Variants in DNAJC6 observed in about 807,000 individuals in gnomAD.
The protein encoded by DNAJC6 is DnaJ heat shock protein family (Hsp40) member C6.
A neutral mutation model predicts 110.0 loss-of-function variants in DNAJC6; 34 were observed. That is an observed-to-expected ratio of 0.31 (90% CI 0.24 to 0.41). The LOEUF (loss-of-function observed/expected upper bound fraction) is 0.41, where lower values mean the gene tolerates loss of function less well. DNAJC6 is among the 10% of genes least tolerant of loss of function. The probability of loss-of-function intolerance (pLI) is 1.00; values close to 1 mark genes in which losing one functional copy is unlikely to be tolerated. For synonymous variants in DNAJC6, 406 were observed against 437.2 expected, an observed-to-expected ratio of 0.93 and a Z score of 0.89; for missense variants, 1,031 against 1,207.8, an observed-to-expected ratio of 0.85 and a Z score of 2.17.
rs780631693 is a variant in DNAJC6, at chr1:65,384,179, A to G, written c.667-14A>G. 1 of 1,464,058 alleles carries G rather than the reference A, an allele frequency of 6.8e-7. No homozygotes were observed. The highest frequency in any genetic ancestry group is 9.0e-7 in the Non-Finnish European group (1 of 1,106,146). The allele number at this position is 1,464,058 out of a possible 1,614,324, so 90.7% of individuals were successfully genotyped here. On this transcript the variant is annotated splice_polypyrimidine_tract_variant and intron_variant, in intron 5 of 18. Coordinates refer to ENST00000371069, the MANE Select transcript of DNAJC6 (RefSeq NM_001256864.2). ...GATCATGTTCATAATGATTTTATGC[A>G]TTTTCTTTGACAGGATGGACGGGCG...
At chr1:65,349,595 A>AT (rs569035527) in intron 1 of DNAJC6, among the ~76,000 whole-genome samples, 60 of 151,848 alleles carry the variant, frequency 4.0e-4, no homozygotes, top group African/African-American at 1.4e-3. Flanking sequence ...TTGGTTGATC[A>AT]TTTTTTTCTA....
chr1:65,382,279 T>C (rs1195320489), intron 5 of DNAJC6, among the ~76,000 whole-genome samples: 1 of 152,240 alleles, frequency 6.6e-6, no homozygotes, highest in East Asian at 1.9e-4. Flanking sequence ...CTTAGTTTTT[T>C]CTAGTCAAGA....
At chr1:65,316,985 A>G (rs1645154661) in intron 1 of DNAJC6, among the ~76,000 whole-genome samples, 1 of 152,100 alleles carries the variant, frequency 6.6e-6, no homozygotes, top group Non-Finnish European at 1.5e-5. Context: ...TAATGAACTG[A>G]CAATAGATGA....
In DNAJC6 at chr1:65,390,796, G is replaced by A. The variant is rs1042701377; in HGVS notation, c.1468+1169G>A. On this transcript the variant is annotated intron_variant, in intron 11 of 18. Transcript: ENST00000371069. The stretch of plus-strand genomic sequence containing the variant: ...AGACTCACTTTCAGAATTTTCTTTC[G>A]AGAAATGGAACTAGCAAATCCTCAA... 6.6e-5 allele frequency among the ~76,000 whole-genome samples: 10 copies of A among 152,276 alleles called. No homozygotes were observed. In the East Asian group the frequency reaches 1.2e-3, roughly 18 times the overall value.
At chr1:65,360,991 T>C (rs528320145) in intron 1 of DNAJC6, among the ~76,000 whole-genome samples, 1 of 152,150 alleles carries the variant, frequency 6.6e-6, no homozygotes, top group Non-Finnish European at 1.5e-5. Flanking sequence ...ATCTTGATTA[T>C]AGTTGTTGGA....
chr1:65,333,502 G>A (rs1420505772), intron 1 of DNAJC6, among the ~76,000 whole-genome samples: 2 of 152,098 alleles, frequency 1.3e-5, no homozygotes, highest in Admixed American at 1.3e-4. Context: ...AGGAGACTGA[G>A]GCTTAAAGGG....
chr1:65,292,788 C>T (rs1320372900), intron 1 of DNAJC6, among the ~76,000 whole-genome samples: 1 of 151,992 alleles, frequency 6.6e-6, no homozygotes. Context: ...ATAACCACCC[C>T]CAAAATTAGT....
intron 11 of DNAJC6, 103 bp from the exon 12 acceptor site, chr1:65,392,328 C>A: frequency 8.7e-7 from 1 of 1,145,964 alleles, no homozygotes; most frequent in Non-Finnish European, 1.2e-6. Flanking sequence ...TTGCTCAGGG[C>A]TGAATCCTTC....
At chr1:65,316,221 C>T (rs531251929) in intron 1 of DNAJC6, among the ~76,000 whole-genome samples, 5 of 152,272 alleles carry the variant, frequency 3.3e-5, no homozygotes, top group East Asian at 3.9e-4. Flanking sequence ...TGTTGTCGCT[C>T]CACTGGTAGA....
intron 13 of DNAJC6, among the ~76,000 whole-genome samples, chr1:65,395,606 G>A (rs1247477377): frequency 6.6e-6 from 1 of 152,016 alleles, no homozygotes. Context: ...TACAAAAAGG[G>A]CATGTGAAAC....
intron 4 of DNAJC6, among the ~76,000 whole-genome samples, chr1:65,379,116 C>G (rs1177555622): frequency 1.3e-5 from 2 of 152,094 alleles, no homozygotes; most frequent in African/African-American, 4.8e-5. Flanking sequence ...TATGTAACCT[C>G]ACAGAATAGA....
At chr1:65,389,120 C>A in intron 9 of DNAJC6, 136 bp from the exon 10 acceptor site, 2 of 753,110 alleles carry the variant, frequency 2.7e-6, no homozygotes, top group Non-Finnish European at 4.2e-6. Flanking sequence ...AGTAACTTAT[C>A]TGGTTATGAC....
At chr1:65,366,263 C>T in intron 4 of DNAJC6, 67 bp downstream of exon 4, 1 of 1,553,664 alleles carries the variant, frequency 6.4e-7, no homozygotes, top group African/African-American at 1.4e-5. Context: ...CTCAGAGATA[C>T]CCTTAAAGCA....
At chr1:65,318,262 CAA>C (rs1300044014) in intron 1 of DNAJC6, among the ~76,000 whole-genome samples, 5 of 151,956 alleles carry the variant, frequency 3.3e-5, no homozygotes, top group African/African-American at 1.2e-4. Flanking sequence ...ATAAGTATAA[CAA>C]TAATGAATTC....
At chr1:65,342,826 G>A (rs1475402216) in intron 1 of DNAJC6, among the ~76,000 whole-genome samples, 1 of 152,120 alleles carries the variant, frequency 6.6e-6, no homozygotes, top group East Asian at 1.9e-4. Flanking sequence ...GTTTCTTGAT[G>A]GATTCAATTC....
At chr1:65,381,618 G>T (rs1462396238) in intron 5 of DNAJC6, among the ~76,000 whole-genome samples, 1 of 151,812 alleles carries the variant, frequency 6.6e-6, no homozygotes, top group East Asian at 1.9e-4. Context: ...GTTTTTAAAA[G>T]ACCTGCATCA....
chr1:65,348,940 A>G (rs756873963), intron 1 of DNAJC6, among the ~76,000 whole-genome samples: 6 of 146,396 alleles, frequency 4.1e-5, no homozygotes, highest in Non-Finnish European at 7.5e-5. Context: ...GTGTGTGTGC[A>G]TGTGTGTATA....
chr1:65,414,564 G>C lies in DNAJC6; in HGVS notation c.*1539G>C, dbSNP rs1232101538. On this transcript the variant is annotated 3_prime_UTR_variant, in exon 19 of 19. Transcript: ENST00000371069. ...AAAGCGGCATGTCAAAAATACTTTA[G>C]GTTCTACATAGATCTCTTTCTCTCT... is the stretch of plus-strand genomic sequence containing the variant. The C allele has an allele frequency of 6.6e-6, 1 of 152,566 alleles. No homozygotes were observed. The highest frequency in any genetic ancestry group is 1.5e-5 in the Non-Finnish European group (1 of 68,038). 9.5% of individuals were successfully genotyped at this position (152,566 alleles called of 1,614,324 possible).
intron 1 of DNAJC6, among the ~76,000 whole-genome samples, chr1:65,270,096 C>G (rs1242100938): frequency 6.6e-6 from 1 of 152,110 alleles, no homozygotes; most frequent in Non-Finnish European, 1.5e-5. Flanking sequence ...ATCACTTACC[C>G]AAAGCAATGC....
Sources: gnomAD v4.1 joint callset for allele counts (sites outside exome capture counted in the v4.1 genomes callset) on GRCh38, gnomAD v4.1.1 for gene constraint, MANE v1.5 for transcripts, NCBI Gene and HGNC (gene_info 2026-07-23, HGNC 2026-07-21) for gene names.